The following EPHA4 variants were observed in gnomAD, a reference collection of about 807,000 sequenced individuals.
The protein encoded by EPHA4 is EPH receptor A4.
Under a neutral mutation model 108.3 loss-of-function variants are expected in EPHA4, and 19 were observed. That is an observed-to-expected ratio of 0.18 (90% confidence interval 0.12 to 0.26). The LOEUF is 0.26. Among genes scored for constraint, EPHA4 ranks in the 10% least tolerant of loss-of-function variants. The pLI, the probability that EPHA4 is intolerant of heterozygous loss-of-function variation, is 1.00. For missense variants in EPHA4, 917 were observed against 1,254.0 expected (o/e 0.73, Z 4.06); for synonymous variants, 449 against 455.5 (o/e 0.99, Z 0.18).
intron 3 of EPHA4, among the ~76,000 whole-genome samples, chr2:221,552,015 C>T (rs1694178067): frequency 6.6e-6 from 1 of 152,068 alleles, no homozygotes; most frequent in Non-Finnish European, 1.5e-5. Flanking sequence ...TTAAAGAACA[C>T]AGTAATGAAA....
At chr2:221,435,279 T>C (rs3770199) in intron 13 of EPHA4, among the ~76,000 whole-genome samples, 115,501 of 152,064 alleles carry the variant, frequency 0.76, 44,133 homozygotes, top group East Asian at 0.96. Flanking sequence ...AATATTTGGC[T>C]AAGGTTTTAT....
intron 2 of EPHA4, among the ~76,000 whole-genome samples, chr2:221,567,754 C>A (rs556270401): frequency 6.6e-6 from 1 of 152,282 alleles, no homozygotes; most frequent in Admixed American, 6.5e-5. Context: ...ATTCAATGGA[C>A]CGGTGTGGAG....
Position 221,443,497 on chromosome 2 carries a change from T to A in EPHA4, c.1884A>T (p.Gly628=), listed in dbSNP as rs761746099. The A allele has an allele frequency of 6.2e-7, 1 of 1,612,252 alleles. No homozygotes were observed. The highest frequency in any genetic ancestry group is 8.5e-7 in the Non-Finnish European group (1 of 1,178,616). The change falls in exon 10 of 18, where the codon GGA becomes GGT. Residue 628 remains glycine (G), a synonymous_variant. Transcript: ENST00000281821. ...ASCIKIEKVI[G]VGEFGEVCSG... ...GACGGACACTCAGACACTTACCAAC[T>A]CCTATAACTTTTTCAATCTTAATGC... is the stretch of plus-strand genomic sequence containing the variant.
intron 3 of EPHA4, among the ~76,000 whole-genome samples, chr2:221,505,243 T>C (rs1692594556): frequency 6.6e-6 from 1 of 152,182 alleles, no homozygotes; most frequent in Non-Finnish European, 1.5e-5. Flanking sequence ...TAATAATTTG[T>C]ATATGGATTA....
chr2:221,503,139 G>A (rs1312284236), intron 3 of EPHA4, among the ~76,000 whole-genome samples: 1 of 152,222 alleles, frequency 6.6e-6, no homozygotes, highest in Non-Finnish European at 1.5e-5. Context: ...CTGTCACTCA[G>A]TCAGTCGCAG....
chr2:221,460,457 G>C (rs2106120942), intron 5 of EPHA4, among the ~76,000 whole-genome samples: 1 of 152,246 alleles, frequency 6.6e-6, no homozygotes. Flanking sequence ...ATTCTTTATT[G>C]ATCAGATGTT....
intron 14 of EPHA4, among the ~76,000 whole-genome samples, chr2:221,430,785 G>T (rs1381787492): frequency 6.6e-6 from 1 of 152,060 alleles, no homozygotes; most frequent in African/African-American, 2.4e-5. Flanking sequence ...TTAGTAAGTA[G>T]ATTTTTTTTA....
At chr2:221,485,952 T>G (rs1468317194) in intron 4 of EPHA4, among the ~76,000 whole-genome samples, 1 of 152,198 alleles carries the variant, frequency 6.6e-6, no homozygotes, top group Non-Finnish European at 1.5e-5. Flanking sequence ...AGCTCTCTTT[T>G]AATAAATACA....
intron 3 of EPHA4, among the ~76,000 whole-genome samples, chr2:221,544,267 C>A (rs535802553): frequency 4.6e-5 from 7 of 152,346 alleles, no homozygotes; most frequent in Admixed American, 1.3e-4. Flanking sequence ...AACCTTGATA[C>A]AAAGGCTAAG....
chr2:221,499,601 G>A (rs1692408890), intron 4 of EPHA4, among the ~76,000 whole-genome samples: 2 of 149,700 alleles, frequency 1.3e-5, no homozygotes, highest in East Asian at 2.0e-4. Context: ...GGCCCAAAGT[G>A]CTCAAATACC....
chr2:221,563,638 A>G lies in EPHA4; in HGVS notation c.823+93T>C, dbSNP rs555917836. On this transcript the variant is annotated intron_variant, in intron 3 of 17. Coordinates refer to ENST00000281821, the MANE Select transcript of EPHA4 (RefSeq NM_004438.5). Reference sequence around the variant, plus strand: ...TGTCCCACCACATCCCACAGGGGCTACTAATTACTGGCTTTACTCCATTTA... The same window carrying G: ...TGTCCCACCACATCCCACAGGGGCTGCTAATTACTGGCTTTACTCCATTTA... The G allele has an allele frequency of 2.3e-4, 334 of 1,438,078 alleles. 1 individual carries two copies. Among genetic ancestry groups the G allele is most frequent in the Non-Finnish European group, 2.9e-4 (311 of 1,057,350 alleles). 89.1% of individuals were successfully genotyped at this position (1,438,078 alleles called of 1,614,324 possible). A position where few individuals can be genotyped will look rare whatever the true frequency, so the allele number is the denominator to read the frequency against.
chr2:221,436,348 G>C (rs369328442), intron 13 of EPHA4, 51 bp downstream of exon 13: 3 of 1,563,006 alleles, frequency 1.9e-6, no homozygotes, highest in East Asian at 4.5e-5. Context: ...AGTGAGAAGA[G>C]AGGAACAGTT....
chr2:221,449,247 G>T (rs1690695549), intron 8 of EPHA4, among the ~76,000 whole-genome samples: 1 of 152,186 alleles, frequency 6.6e-6, no homozygotes, highest in African/African-American at 2.4e-5. Context: ...TGGCCCTTTT[G>T]CCTTGGCTCA....
At chr2:221,471,017 T>C (rs144252762) in intron 5 of EPHA4, among the ~76,000 whole-genome samples, 171 of 152,236 alleles carry the variant, frequency 1.1e-3, no homozygotes, top group African/African-American at 3.8e-3. Context: ...AGAAACTAAG[T>C]TCTATGTGCT....
chr2:221,436,684 A>G, intron 12 of EPHA4, 76 bp from the exon 13 acceptor site: 1 of 1,432,016 alleles, frequency 7.0e-7, no homozygotes, highest in Middle Eastern at 1.7e-4. Context: ...TTATTACTTG[A>G]ATCTTTTTGG....
At chr2:221,493,449 AT>A (rs1692209632) in intron 4 of EPHA4, among the ~76,000 whole-genome samples, 1 of 152,158 alleles carries the variant, frequency 6.6e-6, no homozygotes, top group Non-Finnish European at 1.5e-5. Context: ...CCTTAAAAAA[AT>A]AAAAAATAAA....
At chr2:221,527,534 G>T (rs1693376054) in intron 3 of EPHA4, among the ~76,000 whole-genome samples, 2 of 152,168 alleles carry the variant, frequency 1.3e-5, no homozygotes, top group African/African-American at 2.4e-5. Context: ...TTGTCACCTG[G>T]TCATTTACAG....
At chr2:221,477,656 G>C (rs1184090989) in intron 5 of EPHA4, among the ~76,000 whole-genome samples, 1 of 152,176 alleles carries the variant, frequency 6.6e-6, no homozygotes, top group African/African-American at 2.4e-5. Context: ...TAGAGAGAAG[G>C]AGGGCAGGCA....
At chr2:221,440,055 A>G (rs573707105) in intron 11 of EPHA4, among the ~76,000 whole-genome samples, 2 of 152,264 alleles carry the variant, frequency 1.3e-5, no homozygotes, top group South Asian at 4.1e-4. Context: ...GGAAACAAAG[A>G]TGAATGTCTC....
Sources: gnomAD v4.1 joint callset for allele counts (sites outside exome capture counted in the v4.1 genomes callset) on GRCh38, gnomAD v4.1.1 for gene constraint, MANE v1.5 for transcripts, NCBI Gene and HGNC (gene_info 2026-07-23, HGNC 2026-07-21) for gene names.